The following RAPGEF5 variants were observed in gnomAD, a reference collection of about 807,000 sequenced individuals.
The protein encoded by RAPGEF5 is Rap guanine nucleotide exchange factor 5.
A neutral mutation model predicts 125.2 loss-of-function variants in RAPGEF5; 65 were observed. The observed-to-expected ratio is 0.52, with a 90% CI of 0.43 to 0.64. RAPGEF5 has a LOEUF of 0.64. RAPGEF5 is among the 30% of genes least tolerant of loss of function. RAPGEF5 has a pLI of 0.00. For missense variants in RAPGEF5, 958 were observed against 1,048.1 expected, an observed-to-expected ratio of 0.91 and a Z score of 1.19; for synonymous variants, 391 against 385.9, an observed-to-expected ratio of 1.01 and a Z score of -0.16.
rs16873190 is a variant in RAPGEF5 at position 22,285,469 on chromosome 7, G to A, written c.747+5706C>T. ...CAAACCTCATGCTATTACTGAACCAGTATCAATTTAAAAGTTTCCAATCAA... is the reference window on the plus strand; with the variant it reads ...CAAACCTCATGCTATTACTGAACCAATATCAATTTAAAAGTTTCCAATCAA... On this transcript the variant is annotated intron_variant, in intron 6 of 25. Coordinates refer to ENST00000665637, the MANE Select transcript of RAPGEF5 (RefSeq NM_012294.5). Among the ~76,000 whole-genome samples, 701 of 152,230 alleles carry A rather than the reference G, an allele frequency of 4.6e-3. 15 individuals are homozygous for A. The East Asian group carries it at 0.056, about 12-fold the overall frequency.
Position 22,154,519 on chromosome 7 carries a change from G to T in RAPGEF5, c.1722C>A (p.Val574=). 9 of 1,613,812 alleles carry T rather than the reference G, an allele frequency of 5.6e-6. No homozygotes were observed. Among genetic ancestry groups the T allele is most frequent in the Non-Finnish European group, 7.6e-6 (9 of 1,179,796 alleles). ...VSSIAQEILK[V]VAEKIQYAEE... is the part of the protein sequence containing the mutation. ...CTGCATACTGGATCTTTTCTGCCAC[G>T]ACTTTTAGGATCTCTTGGGCTATAC... Residue 574 remains valine (V), a synonymous_variant, in exon 17 of 26, where the codon GTC becomes GTA. Transcript: ENST00000665637.
intron 17 of RAPGEF5, among the ~76,000 whole-genome samples, chr7:22,153,750 T>G (rs1024203942): frequency 1.8e-4 from 28 of 152,122 alleles, no homozygotes; most frequent in African/African-American, 6.5e-4. Context: ...TTCTTTGTAT[T>G]TTTTTCTCAG....
At chr7:22,279,225 G>A (rs1000904222) in intron 6 of RAPGEF5, among the ~76,000 whole-genome samples, 4 of 152,204 alleles carry the variant, frequency 2.6e-5, no homozygotes, top group African/African-American at 7.2e-5. Context: ...TGTTTGTCCT[G>A]ACTCTCAATA....
At chr7:22,328,248 C>T (rs1783851297) in intron 1 of RAPGEF5, among the ~76,000 whole-genome samples, 1 of 152,204 alleles carries the variant, frequency 6.6e-6, no homozygotes. Flanking sequence ...AAAGAAAATC[C>T]TTCTCCTGGA....
chr7:22,154,552 T>C lies in RAPGEF5; in HGVS notation c.1689A>G (p.Lys563=). The C allele has an allele frequency of 6.2e-7, 1 of 1,613,888 alleles. No individual in the cohort carries two copies. Among genetic ancestry groups the C allele is most frequent in the African/African-American group, 1.3e-5 (1 of 75,032 alleles). The change falls in exon 17 of 26, where the codon AAA becomes AAG. Residue 563 remains lysine (K), a synonymous_variant. Coordinates refer to ENST00000665637, the MANE Select transcript of RAPGEF5 (RefSeq NM_012294.5). ...TEHSYVSVKA[K]VSSIAQEILK... is the part of the protein sequence containing the mutation. ...GGATCTCTTGGGCTATACTGGAAAC[T>C]TTTGCCTTCACACTGACATAGGAGT...
At position 22,131,043 on chromosome 7, in the gene RAPGEF5, T is replaced by A; in HGVS notation, c.2475A>T (p.Glu825Asp). Reference sequence around the variant, plus strand: ...AGTAATGAAATTTACGTACCAGCTTTTCAAAATTGACAAGATTATCCAAAA... The same window carrying A: ...AGTAATGAAATTTACGTACCAGCTTATCAAAATTGACAAGATTATCCAAAA... ...KTFLDNLVNF[E>D]KLHMIADTVR... Residue 825 changes from glutamate (E) to aspartate (D), a missense_variant, in exon 24 of 26, where the codon GAA becomes GAT. Glu to Asp is a conservative substitution (Grantham distance 45). Coordinates refer to ENST00000665637, the MANE Select transcript of RAPGEF5 (RefSeq NM_012294.5). 6.5e-7 allele frequency: 1 copy of A among 1,541,354 alleles called. No individual in the cohort carries two copies. The highest frequency in any genetic ancestry group is 8.8e-7 in the Non-Finnish European group (1 of 1,142,318).
At chr7:22,170,646 T>A (rs999909837) in intron 11 of RAPGEF5, among the ~76,000 whole-genome samples, 1 of 152,208 alleles carries the variant, frequency 6.6e-6, no homozygotes, top group Non-Finnish European at 1.5e-5. Flanking sequence ...CAACCTTAGA[T>A]AATGAACTGA....
chr7:22,185,904 G>A (rs1056739486), intron 11 of RAPGEF5, among the ~76,000 whole-genome samples: 9 of 151,808 alleles, frequency 5.9e-5, no homozygotes, highest in Admixed American at 3.9e-4. Context: ...GCCCAAGCTG[G>A]ACTGCAGTGG....
chr7:22,343,098 G>A (rs576836888), intron 1 of RAPGEF5, among the ~76,000 whole-genome samples: 4 of 152,320 alleles, frequency 2.6e-5, no homozygotes, highest in South Asian at 2.1e-4. Flanking sequence ...CTTACAGTCC[G>A]CATGGCTGGA....
intron 6 of RAPGEF5, among the ~76,000 whole-genome samples, chr7:22,276,887 A>G (rs1782570726): frequency 6.6e-6 from 1 of 152,222 alleles, no homozygotes; most frequent in South Asian, 2.1e-4. Flanking sequence ...TCCTCATCAC[A>G]TTATTAGAAT....
chr7:22,237,553 T>C (rs1412479609), intron 7 of RAPGEF5, among the ~76,000 whole-genome samples: 1 of 151,962 alleles, frequency 6.6e-6, no homozygotes, highest in Non-Finnish European at 1.5e-5. Context: ...CCTTCATTCA[T>C]CCTGATTGCT....
chr7:22,208,602 G>A (rs546658310), intron 9 of RAPGEF5, among the ~76,000 whole-genome samples: 1 of 152,256 alleles, frequency 6.6e-6, no homozygotes, highest in African/African-American at 2.4e-5. Context: ...CTCAGCTAAG[G>A]AATAATTCCC....
intron 12 of RAPGEF5, among the ~76,000 whole-genome samples, chr7:22,166,255 T>C (rs981076156): frequency 2.0e-5 from 3 of 151,886 alleles, no homozygotes; most frequent in African/African-American, 7.3e-5. Context: ...AACTTTAGTA[T>C]ACACAAAAGC....
intron 18 of RAPGEF5, among the ~76,000 whole-genome samples, chr7:22,149,698 C>T (rs1487581247): frequency 6.6e-6 from 1 of 152,186 alleles, no homozygotes; most frequent in African/African-American, 2.4e-5. Context: ...TGCTTTTCTT[C>T]AAGGGAATGG....
At chr7:22,162,030 G>A (rs1273210285) in intron 13 of RAPGEF5, among the ~76,000 whole-genome samples, 3 of 152,128 alleles carry the variant, frequency 2.0e-5, no homozygotes, top group African/African-American at 7.2e-5. Context: ...TCTGACAAAT[G>A]TTTCAAAGAA....
At chr7:22,304,232 A>T (rs1783279578) in intron 5 of RAPGEF5, among the ~76,000 whole-genome samples, 2 of 152,180 alleles carry the variant, frequency 1.3e-5, no homozygotes, top group Non-Finnish European at 2.9e-5. Context: ...TGGTTTAATA[A>T]TTTTATCTTT....
intron 1 of RAPGEF5, among the ~76,000 whole-genome samples, chr7:22,351,620 T>C (rs1784331719): frequency 1.3e-5 from 2 of 151,840 alleles, no homozygotes; most frequent in African/African-American, 4.8e-5. Flanking sequence ...CTCATAGGCT[T>C]GTAGTGAGAG....
At chr7:22,325,885 G>A (rs1783804250) in intron 1 of RAPGEF5, among the ~76,000 whole-genome samples, 2 of 152,164 alleles carry the variant, frequency 1.3e-5, no homozygotes, top group African/African-American at 4.8e-5. Flanking sequence ...AATGATTTAT[G>A]AGCTTGTTTG....
chr7:22,239,930 C>T (rs191185934), intron 7 of RAPGEF5, among the ~76,000 whole-genome samples: 9 of 151,342 alleles, frequency 5.9e-5, no homozygotes, highest in African/African-American at 1.5e-4. Context: ...TTTTTTTGGC[C>T]GGGTGTGGTG....
Sources: allele counts gnomAD v4.1 joint callset (sites outside exome capture counted in the v4.1 genomes callset), GRCh38; gene constraint gnomAD v4.1.1; transcripts MANE v1.5; gene names NCBI Gene and HGNC (gene_info 2026-07-23, HGNC 2026-07-21).